The following TMEFF2 variants were observed in gnomAD, a reference collection of about 807,000 sequenced individuals.
TMEFF2 encodes tomoregulin-2.
Under a neutral mutation model 53.8 loss-of-function variants are expected in TMEFF2, and 28 were observed. The ratio of observed to expected loss-of-function variants is 0.52; its 90% CI spans 0.39 to 0.71. The LOEUF is 0.71. Ranked by LOEUF, TMEFF2 falls within the 30% of genes least tolerant of loss-of-function variation. The probability of loss-of-function intolerance (pLI) is 0.00; values close to 1 mark genes in which losing one functional copy is unlikely to be tolerated. For synonymous variants in TMEFF2, 162 were observed against 166.3 expected (o/e 0.97, Z 0.20); for missense variants, 353 against 455.2 (o/e 0.78, Z 2.04).
At chr2:192,167,061 T>C (rs1055409265) in intron 4 of TMEFF2, among the ~76,000 whole-genome samples, 1 of 152,090 alleles carries the variant, frequency 6.6e-6, no homozygotes, top group Non-Finnish European at 1.5e-5. Flanking sequence ...GGATACTCTT[T>C]TCAGAATAGC....
intron 4 of TMEFF2, among the ~76,000 whole-genome samples, chr2:192,142,529 A>G (rs574499031): frequency 7.2e-5 from 11 of 152,268 alleles, no homozygotes; most frequent in Middle Eastern, 3.4e-3. Flanking sequence ...ACATTATGGA[A>G]TTACGGAATC....
At chr2:192,014,268 T>C (rs887415894) in intron 5 of TMEFF2, among the ~76,000 whole-genome samples, 2 of 152,318 alleles carry the variant, frequency 1.3e-5, no homozygotes, top group East Asian at 3.9e-4. Flanking sequence ...CAGTAATCAA[T>C]GTGAACGGTA....
intron 5 of TMEFF2, among the ~76,000 whole-genome samples, chr2:192,038,567 T>G (rs1442786111): frequency 6.6e-6 from 1 of 152,144 alleles, no homozygotes; most frequent in African/African-American, 2.4e-5. Context: ...CTTAGCTCAC[T>G]GCAGCCTCTG....
intron 5 of TMEFF2, among the ~76,000 whole-genome samples, chr2:192,050,015 A>C (rs573794932): frequency 1.3e-5 from 2 of 152,294 alleles, no homozygotes; most frequent in Non-Finnish European, 2.9e-5. Flanking sequence ...AAACAAACAA[A>C]AAAAGCAAGT....
intron 4 of TMEFF2, among the ~76,000 whole-genome samples, chr2:192,091,875 A>G (rs188976236): frequency 5.3e-5 from 8 of 152,246 alleles, no homozygotes; most frequent in Admixed American, 4.6e-4. Context: ...AGTGACACCT[A>G]GGTGCTGAAA....
rs142442668 is a variant in TMEFF2, at chr2:192,106,003, CAT to C, written c.440-48230_440-48229del. Among the ~76,000 whole-genome samples the C allele has an allele frequency of 5.0e-3, 763 of 151,912 alleles. 7 individuals carry two copies. Among genetic ancestry groups the C allele is most frequent in the African/African-American group, 0.018 (730 of 41,526 alleles). On this transcript the variant is annotated intron_variant, in intron 4 of 9. Transcript: ENST00000272771. ...GAATATCAATAGCTTTAACAATACA[CAT>C]ATGTCTTGGGAAGAACACTTGCATT...
At chr2:192,024,810 G>GC (rs1686934021) in intron 5 of TMEFF2, among the ~76,000 whole-genome samples, 1 of 152,186 alleles carries the variant, frequency 6.6e-6, no homozygotes, top group Non-Finnish European at 1.5e-5. Context: ...CTGTTGAAAT[G>GC]CTGTAGCATG....
intron 4 of TMEFF2, among the ~76,000 whole-genome samples, chr2:192,098,275 T>A (rs1688960420): frequency 6.6e-6 from 1 of 152,200 alleles, no homozygotes; most frequent in Admixed American, 6.5e-5. Flanking sequence ...AACCTTGACC[T>A]CCCTGTTTGA....
intron 4 of TMEFF2, among the ~76,000 whole-genome samples, chr2:192,107,089 T>C (rs545966727): frequency 6.6e-6 from 1 of 151,782 alleles, no homozygotes; most frequent in African/African-American, 2.4e-5. Flanking sequence ...GAAAAGAGAG[T>C]TAAAATGAGT....
chr2:191,989,034 C>T (rs894476000), intron 7 of TMEFF2, among the ~76,000 whole-genome samples: 2 of 152,166 alleles, frequency 1.3e-5, no homozygotes, highest in Non-Finnish European at 2.9e-5. Flanking sequence ...GGCCAAACCA[C>T]TTTAAACTAT....
chr2:192,192,868 C>A (rs539875718), intron 1 of TMEFF2, among the ~76,000 whole-genome samples: 2 of 152,244 alleles, frequency 1.3e-5, no homozygotes, highest in South Asian at 4.1e-4. Context: ...GAAACTTATT[C>A]TTTCAAAAAC....
At chr2:192,060,456 G>A (rs1688016948) in intron 4 of TMEFF2, among the ~76,000 whole-genome samples, 1 of 152,100 alleles carries the variant, frequency 6.6e-6, no homozygotes, top group African/African-American at 2.4e-5. Context: ...ATCATGACTT[G>A]CATTTCTGTA....
At chr2:191,959,905 C>CTTACTCTA (rs1221711852) in intron 7 of TMEFF2, among the ~76,000 whole-genome samples, 1 of 152,102 alleles carries the variant, frequency 6.6e-6, no homozygotes, top group Non-Finnish European at 1.5e-5. Context: ...GTTTGAGAGT[C>CTTACTCTA]TTACTCTATT....
chr2:192,129,428 GT>G (rs1689757691), intron 4 of TMEFF2, among the ~76,000 whole-genome samples: 1 of 150,758 alleles, frequency 6.6e-6, no homozygotes, highest in African/African-American at 2.4e-5. Flanking sequence ...GATGTACATA[GT>G]TTTTGGGCCA....
chr2:192,072,728 C>T (rs756434886), intron 4 of TMEFF2, among the ~76,000 whole-genome samples: 5 of 151,898 alleles, frequency 3.3e-5, no homozygotes, highest in African/African-American at 9.7e-5. Context: ...GTATCTGAAG[C>T]ACCATTCTTA....
At chr2:192,120,950 G>A (rs1689537316) in intron 4 of TMEFF2, among the ~76,000 whole-genome samples, 1 of 151,906 alleles carries the variant, frequency 6.6e-6, no homozygotes, top group African/African-American at 2.4e-5. Context: ...TGGCCAGGCT[G>A]GTCTGGAACT....
intron 4 of TMEFF2, among the ~76,000 whole-genome samples, chr2:192,176,575 A>T (rs1327973698): frequency 1.3e-5 from 2 of 151,310 alleles, no homozygotes; most frequent in East Asian, 3.9e-4. Flanking sequence ...ATCTCAATAC[A>T]GTTAACTGTT....
At chr2:192,130,916 G>A (rs975200012) in intron 4 of TMEFF2, among the ~76,000 whole-genome samples, 9 of 151,632 alleles carry the variant, frequency 5.9e-5, no homozygotes, top group Admixed American at 4.6e-4. Context: ...GTCACGGACT[G>A]GGAAGGCAGC....
rs188522980 is a variant in TMEFF2 at position 192,030,843 on chromosome 2, A to G, written c.536+26836T>C. ...TTGGCATGCACGGACAGGGGAACAG[A>G]AGGCAAGCATCAGCAATGGCATGGT... On this transcript the variant is annotated intron_variant, in intron 5 of 9. Transcript: ENST00000272771. The G allele has an allele frequency of 4.6e-5, 7 of 152,364 alleles. No homozygotes were observed. The East Asian group carries it at 1.4e-3, about 29-fold the overall frequency. The allele number at this position is 152,364 out of a possible 1,614,324, so 9.4% of individuals were successfully genotyped here.
Sources: allele counts gnomAD v4.1 joint callset (sites outside exome capture counted in the v4.1 genomes callset), GRCh38; gene constraint gnomAD v4.1.1; transcripts MANE v1.5; gene names NCBI Gene and HGNC (gene_info 2026-07-23, HGNC 2026-07-21).